CACNG3: variants seen among roughly 807,000 people sequenced by gnomAD.
CACNG3 encodes voltage-dependent calcium channel gamma-3 subunit.
CACNG3 carries 3 observed loss-of-function variants against 28.5 expected under a neutral mutation model. The observed-to-expected ratio is 0.11, with a 90% CI of 0.05 to 0.27. The LOEUF is 0.27. Ranked by LOEUF, CACNG3 falls within the 10% of genes least tolerant of loss-of-function variation. CACNG3 has a pLI of 1.00. For synonymous variants in CACNG3, 174 were observed against 162.2 expected, an observed-to-expected ratio of 1.07 and a Z score of -0.55; for missense variants, 236 against 414.4, an observed-to-expected ratio of 0.57 and a Z score of 3.74.
intron 1 of CACNG3, among the ~76,000 whole-genome samples, chr16:24,273,158 A>G (rs994207839): frequency 1.2e-4 from 18 of 152,210 alleles, no homozygotes; most frequent in African/African-American, 3.1e-4. Flanking sequence ...AGGGCTTTTC[A>G]TGAGAAGCAT....
At chr16:24,311,316 C>T (rs1343438028) in intron 1 of CACNG3, among the ~76,000 whole-genome samples, 1 of 151,518 alleles carries the variant, frequency 6.6e-6, no homozygotes, top group Non-Finnish European at 1.5e-5. Context: ...TTTAAGACCA[C>T]CCTGGCCAAC....
chr16:24,329,281 T>C (rs75726832), intron 1 of CACNG3, among the ~76,000 whole-genome samples: 5,351 of 152,212 alleles, frequency 0.035, 289 homozygotes, highest in African/African-American at 0.11. Context: ...GAGTAAAAGA[T>C]GCCCCGGATA....
At chr16:24,334,560 G>A (rs1048120714) in intron 1 of CACNG3, among the ~76,000 whole-genome samples, 1 of 152,182 alleles carries the variant, frequency 6.6e-6, no homozygotes, top group African/African-American at 2.4e-5. Context: ...CTGGAGGGGG[G>A]ACATCCTGGG....
In CACNG3 at chr16:24,356,267, C is replaced by T. The variant is rs1040205706; in HGVS notation, c.436+1294C>T. ...AGAGTACTGATTGGGATGGGGACAGCGGTGGAGAGTATAAAATGGTGAGGA... is the reference window on the plus strand; with the variant it reads ...AGAGTACTGATTGGGATGGGGACAGTGGTGGAGAGTATAAAATGGTGAGGA... On this transcript the variant is annotated intron_variant, in intron 3 of 3. Coordinates refer to ENST00000005284, the MANE Select transcript of CACNG3 (RefSeq NM_006539.4). Among the ~76,000 whole-genome samples, 5 of 152,232 alleles carry T rather than the reference C, an allele frequency of 3.3e-5. No homozygotes were observed. The East Asian group carries it at 5.8e-4, about 18-fold the overall frequency.
chr16:24,265,452 A>AAAG (rs1384244724), intron 1 of CACNG3, among the ~76,000 whole-genome samples: 189 of 149,530 alleles, frequency 1.3e-3, no homozygotes, highest in Admixed American at 2.2e-3. Flanking sequence ...AAAGAAAAAG[A>AAAG]AAGAAGAAGG....
intron 1 of CACNG3, among the ~76,000 whole-genome samples, chr16:24,329,801 A>T (rs568370979): frequency 6.6e-6 from 1 of 152,204 alleles, no homozygotes; most frequent in African/African-American, 2.4e-5. Flanking sequence ...TTGGGAGGCC[A>T]AGGCAGGTGG....
intron 2 of CACNG3, among the ~76,000 whole-genome samples, chr16:24,349,558 C>G (rs989096237): frequency 6.6e-6 from 1 of 152,184 alleles, no homozygotes; most frequent in Admixed American, 6.5e-5. Context: ...ACTTTAAGAA[C>G]ATAGGGTAAC....
intron 1 of CACNG3, among the ~76,000 whole-genome samples, chr16:24,273,661 A>G (rs1213063908): frequency 6.6e-6 from 1 of 152,144 alleles, no homozygotes; most frequent in Non-Finnish European, 1.5e-5. Context: ...ATTTTCTGAG[A>G]TTACATTTTT....
intron 1 of CACNG3, among the ~76,000 whole-genome samples, chr16:24,290,536 A>G (rs577822393): frequency 3.3e-5 from 5 of 152,248 alleles, no homozygotes; most frequent in African/African-American, 1.2e-4. Flanking sequence ...CCCTGGACAA[A>G]TGACTTAATG....
intron 1 of CACNG3, among the ~76,000 whole-genome samples, chr16:24,271,254 T>C (rs893167203): frequency 6.6e-6 from 1 of 152,206 alleles, no homozygotes; most frequent in Non-Finnish European, 1.5e-5. Context: ...TTTAACACTT[T>C]TGCCTCGCCC....
chr16:24,340,641 G>C (rs1240665747), intron 1 of CACNG3, among the ~76,000 whole-genome samples: 1 of 152,162 alleles, frequency 6.6e-6, no homozygotes, highest in African/African-American at 2.4e-5. Flanking sequence ...GTCTGAACCA[G>C]AGACGAACTA....
chr16:24,329,108 G>A (rs1899599742), intron 1 of CACNG3, among the ~76,000 whole-genome samples: 1 of 152,184 alleles, frequency 6.6e-6, no homozygotes, highest in Non-Finnish European at 1.5e-5. Flanking sequence ...AGGGGTGGGG[G>A]AACCACCAGG....
chr16:24,257,210 C>T (rs1006424185), intron 1 of CACNG3, among the ~76,000 whole-genome samples: 4 of 151,928 alleles, frequency 2.6e-5, no homozygotes, highest in African/African-American at 9.7e-5. Context: ...TAGGCAGCTT[C>T]TGCAGTTTAG....
At chr16:24,325,549 A>C (rs1032873690) in intron 1 of CACNG3, among the ~76,000 whole-genome samples, 1 of 152,230 alleles carries the variant, frequency 6.6e-6, no homozygotes. Flanking sequence ...CGCCAACCCC[A>C]GCGAGCTCTG....
chr16:24,303,306 A>G (rs1288279011), intron 1 of CACNG3, among the ~76,000 whole-genome samples: 3 of 151,854 alleles, frequency 2.0e-5, no homozygotes, highest in Non-Finnish European at 4.4e-5. Context: ...AGGTCTTCTC[A>G]TGGTTGGCTT....
chr16:24,337,165 A>G (rs1899723686), intron 1 of CACNG3, among the ~76,000 whole-genome samples: 1 of 152,190 alleles, frequency 6.6e-6, no homozygotes, highest in Admixed American at 6.5e-5. Context: ...CATTCAGTCC[A>G]TTGCACAAGG....
intron 1 of CACNG3, among the ~76,000 whole-genome samples, chr16:24,344,081 A>G (rs1217005652): frequency 6.6e-6 from 1 of 152,020 alleles, no homozygotes; most frequent in African/African-American, 2.4e-5. Context: ...CAAAAAAATA[A>G]TAAATAAATA....
intron 1 of CACNG3, among the ~76,000 whole-genome samples, chr16:24,281,055 A>T (rs1178595056): frequency 6.6e-6 from 1 of 152,144 alleles, no homozygotes; most frequent in East Asian, 1.9e-4. Flanking sequence ...GCGGGGACCA[A>T]ATTCACAAGG....
intron 1 of CACNG3, among the ~76,000 whole-genome samples, chr16:24,270,289 A>G (rs1251064303): frequency 6.6e-6 from 1 of 152,216 alleles, no homozygotes; most frequent in Non-Finnish European, 1.5e-5. Flanking sequence ...ATATTTACAA[A>G]TCATTTTGAC....
Sources: gnomAD v4.1 joint callset for allele counts (sites outside exome capture counted in the v4.1 genomes callset) on GRCh38, gnomAD v4.1.1 for gene constraint, MANE v1.5 for transcripts, NCBI Gene and HGNC (gene_info 2026-07-23, HGNC 2026-07-21) for gene names.